The following VWDE variants were observed in gnomAD, a reference collection of about 807,000 sequenced individuals.
VWDE encodes von Willebrand factor D and EGF domain-containing protein.
Under a neutral mutation model 178.4 loss-of-function variants are expected in VWDE, and 207 were observed. The ratio of observed to expected loss-of-function variants is 1.16; its 90% CI spans 1.04 to 1.30. VWDE has a LOEUF of 1.30. VWDE is among the 50% of genes most tolerant of loss of function. The probability of loss-of-function intolerance (pLI) is 0.00; values close to 1 mark genes in which losing one functional copy is unlikely to be tolerated. For missense variants in VWDE, 2,287 were observed against 1,901.3 expected, an observed-to-expected ratio of 1.20 and a Z score of -3.77; for synonymous variants, 738 against 651.4, an observed-to-expected ratio of 1.13 and a Z score of -2.02.
chr7:12,389,200 A>G lies in VWDE; in HGVS notation c.402T>C (p.Ser134=). The G allele has an allele frequency of 3.9e-6, 6 of 1,551,874 alleles. No individual in the cohort carries two copies. The highest frequency in any genetic ancestry group is 5.2e-6 in the Non-Finnish European group (6 of 1,147,034). Reference sequence around the variant, plus strand: ...CAGAAAAGTTCCCACAGTTTCTTACAGACACTGGGATTTGAAAGAGACAGC... The same window carrying G: ...CAGAAAAGTTCCCACAGTTTCTTACGGACACTGGGATTTGAAAGAGACAGC... The part of the protein sequence containing the change: ...KDCCLFQIPV[S]VRNCGNFSVY... Residue 134 remains serine (S), a synonymous_variant, in exon 3 of 29, where the codon TCT becomes TCC. Coordinates refer to ENST00000275358, the MANE Select transcript of VWDE (RefSeq NM_001135924.3).
Position 12,380,746 on chromosome 7 carries a change from T to C in VWDE, c.542-13A>G, listed in dbSNP as rs975592267. The C allele has an allele frequency of 1.4e-5, 22 of 1,550,194 alleles. No homozygotes were observed. Among genetic ancestry groups the C allele is most frequent in the Non-Finnish European group, 1.9e-5 (22 of 1,146,272 alleles). On this transcript the variant is annotated splice_polypyrimidine_tract_variant and intron_variant, in intron 4 of 28. Transcript: ENST00000275358. The stretch of plus-strand genomic sequence containing the variant: ...GCAGCCAGCTGACCTGGGGAGAAAA[T>C]GCATAATTTGTAACTGGGAATCTTA...
chr7:12,363,249 T>A (rs919145446), intron 13 of VWDE, among the ~76,000 whole-genome samples: 21 of 152,146 alleles, frequency 1.4e-4, no homozygotes, highest in African/African-American at 4.8e-4. Context: ...AGACTGCTAT[T>A]TGGACACTGG....
intron 2 of VWDE, among the ~76,000 whole-genome samples, chr7:12,389,933 T>C (rs896482998): frequency 2.0e-5 from 3 of 151,996 alleles, no homozygotes; most frequent in African/African-American, 7.2e-5. Context: ...GAGGCTGAGG[T>C]GGGCGGATTG....
chr7:12,353,171 G>C (rs1038390978), intron 18 of VWDE, among the ~76,000 whole-genome samples: 3 of 152,160 alleles, frequency 2.0e-5, no homozygotes, highest in African/African-American at 7.2e-5. Flanking sequence ...TGCCATTCTG[G>C]AGGCTCAATG....
chr7:12,383,193 T>C (rs1350816183), intron 4 of VWDE, among the ~76,000 whole-genome samples: 1 of 152,102 alleles, frequency 6.6e-6, no homozygotes, highest in African/African-American at 2.4e-5. Flanking sequence ...ATAAATATTG[T>C]GTTCGCACAC....
At chr7:12,365,053 TGAA>T (rs1782786088) in intron 13 of VWDE, among the ~76,000 whole-genome samples, 1 of 151,822 alleles carries the variant, frequency 6.6e-6, no homozygotes, top group Non-Finnish European at 1.5e-5. Context: ...GTGCAAAAGA[TGAA>T]GAAAGATGGA....
At chr7:12,400,801 T>C (rs544736732) in intron 1 of VWDE, among the ~76,000 whole-genome samples, 1 of 152,134 alleles carries the variant, frequency 6.6e-6, no homozygotes, top group Admixed American at 6.5e-5. Flanking sequence ...CTCTGGAATA[T>C]GAGTGAAAAA....
At chr7:12,380,086 G>C (rs1014928135) in intron 5 of VWDE, among the ~76,000 whole-genome samples, 1 of 151,432 alleles carries the variant, frequency 6.6e-6, no homozygotes, top group Admixed American at 6.6e-5. Context: ...CCTGGCGACA[G>C]AGTGAGACTC....
intron 21 of VWDE, 91 bp from the exon 22 acceptor site, chr7:12,343,269 G>T: frequency 1.1e-6 from 1 of 903,274 alleles, no homozygotes; most frequent in Non-Finnish European, 1.7e-6. Context: ...AAATCTTGTT[G>T]TAAGAGTAAT....
intron 2 of VWDE, 55 bp downstream of exon 2, chr7:12,393,539 T>A (rs1784484773): frequency 1.5e-6 from 2 of 1,373,864 alleles, no homozygotes; most frequent in African/African-American, 3.0e-5. Flanking sequence ...GATACAATTC[T>A]CATATGAAAA....
intron 14 of VWDE, 41 bp from the exon 15 acceptor site, chr7:12,361,292 A>T (rs768095153): frequency 6.5e-7 from 1 of 1,536,298 alleles, no homozygotes; most frequent in South Asian, 1.2e-5. Context: ...TTTGTTCTAA[A>T]TGTTCTAAAT....
intron 19 of VWDE, among the ~76,000 whole-genome samples, chr7:12,347,339 A>C (rs556805322): frequency 6.6e-6 from 1 of 152,280 alleles, no homozygotes; most frequent in African/African-American, 2.4e-5. Flanking sequence ...GTAAGAAAAG[A>C]GCATATGTTA....
chr7:12,345,188 T>C (rs1424850548), intron 19 of VWDE, among the ~76,000 whole-genome samples: 1 of 151,982 alleles, frequency 6.6e-6, no homozygotes, highest in East Asian at 1.9e-4. Flanking sequence ...TTAACATGAT[T>C]TTAATAAATA....
At chr7:12,394,717 A>C (rs1305277915) in intron 1 of VWDE, among the ~76,000 whole-genome samples, 1 of 152,162 alleles carries the variant, frequency 6.6e-6, no homozygotes, top group Non-Finnish European at 1.5e-5. Flanking sequence ...TCAAATACTT[A>C]TATTATATTT....
intron 19 of VWDE, among the ~76,000 whole-genome samples, chr7:12,345,238 G>A (rs745969394): frequency 6.6e-6 from 1 of 151,966 alleles, no homozygotes. Flanking sequence ...AATGTGATGA[G>A]AATACAGTAT....
chr7:12,352,087 A>G, intron 18 of VWDE, among the ~76,000 whole-genome samples: 1 of 152,196 alleles, frequency 6.6e-6, no homozygotes, highest in African/African-American at 2.4e-5. Context: ...TCTGCAAACC[A>G]GAGATATCTC....
At chr7:12,356,943 G>A (rs1212965412) in intron 17 of VWDE, among the ~76,000 whole-genome samples, 4 of 152,136 alleles carry the variant, frequency 2.6e-5, no homozygotes, top group South Asian at 2.1e-4. Flanking sequence ...ATGGAAGAGG[G>A]TATAATTATC....
intron 15 of VWDE, 55 bp from the exon 16 acceptor site, chr7:12,359,747 A>G (rs1782470583): frequency 8.9e-7 from 1 of 1,127,066 alleles, no homozygotes; most frequent in African/African-American, 1.6e-5. Context: ...TAGAAAAAAA[A>G]AAGTACATAG....
At chr7:12,399,272 T>C (rs572040679) in intron 1 of VWDE, among the ~76,000 whole-genome samples, 9 of 152,136 alleles carry the variant, frequency 5.9e-5, no homozygotes, top group African/African-American at 1.9e-4. Context: ...AGAAAGGTGG[T>C]GTGGCTGTAC....
Sources: gnomAD v4.1 joint callset for allele counts (sites outside exome capture counted in the v4.1 genomes callset) on GRCh38, gnomAD v4.1.1 for gene constraint, MANE v1.5 for transcripts, NCBI Gene and HGNC (gene_info 2026-07-23, HGNC 2026-07-21) for gene names.